DTD1: variants seen among roughly 807,000 people sequenced by gnomAD.
DTD1 encodes the protein D-tyrosyl-tRNA deacylase 1 homolog.
DTD1 carries 13 observed loss-of-function variants against 25.6 expected under a neutral mutation model. The observed-to-expected ratio is 0.51, with a 90% CI of 0.33 to 0.81. The LOEUF (loss-of-function observed/expected upper bound fraction) is 0.81, where lower values mean the gene tolerates loss of function less well. Among genes scored for constraint, DTD1 ranks in the 30% least tolerant of loss-of-function variants. DTD1 has a pLI of 0.02. For synonymous variants in DTD1, 110 were observed against 103.6 expected (o/e 1.06, Z -0.37); for missense variants, 193 against 266.4 (o/e 0.72, Z 1.92).
At chr20:18,612,608 G>C (rs1406828210) in intron 3 of DTD1, among the ~76,000 whole-genome samples, 1 of 152,010 alleles carries the variant, frequency 6.6e-6, no homozygotes, top group Non-Finnish European at 1.5e-5. Context: ...TGATATCTTT[G>C]CTTCACTGTA....
At chr20:18,635,635 A>C (rs2060804210) in intron 4 of DTD1, among the ~76,000 whole-genome samples, 1 of 152,178 alleles carries the variant, frequency 6.6e-6, no homozygotes, top group Admixed American at 6.5e-5. Context: ...CTATTGCATG[A>C]ATATTTGGTA....
At chr20:18,607,013 T>C (rs566772994) in intron 3 of DTD1, among the ~76,000 whole-genome samples, 1 of 152,234 alleles carries the variant, frequency 6.6e-6, no homozygotes, top group African/African-American at 2.4e-5. Flanking sequence ...TCTGTGTTTA[T>C]GGATGTGAAG....
At chr20:18,624,112 G>T (rs1279929475) in intron 3 of DTD1, among the ~76,000 whole-genome samples, 1 of 152,008 alleles carries the variant, frequency 6.6e-6, no homozygotes, top group Non-Finnish European at 1.5e-5. Flanking sequence ...GCTGTCTTTT[G>T]TCCTTGGAGG....
chr20:18,693,658 A>T (rs1440694673), intron 4 of DTD1, among the ~76,000 whole-genome samples: 21 of 129,506 alleles, frequency 1.6e-4, no homozygotes, highest in African/African-American at 7.4e-4. Context: ...CTCCCATCTA[A>T]AAAAAAAAAA....
intron 4 of DTD1, among the ~76,000 whole-genome samples, chr20:18,670,119 C>G (rs2122388040): frequency 6.6e-6 from 1 of 152,290 alleles, no homozygotes; most frequent in African/African-American, 2.4e-5. Context: ...GTGTGTACTG[C>G]TGATGTGTAC....
intron 5 of DTD1, among the ~76,000 whole-genome samples, chr20:18,747,742 G>A (rs943158557): frequency 6.6e-6 from 1 of 152,084 alleles, no homozygotes; most frequent in Non-Finnish European, 1.5e-5. Context: ...GCTGGGCATG[G>A]TGGCTCACGC....
chr20:18,631,287 A>T, intron 4 of DTD1: 6 of 984,640 alleles, frequency 6.1e-6, no homozygotes, highest in Non-Finnish European at 7.2e-6. Flanking sequence ...AAAAAATATT[A>T]CAAATTTCAA....
At chr20:18,738,650 C>T (rs909551720) in intron 4 of DTD1, among the ~76,000 whole-genome samples, 1 of 152,344 alleles carries the variant, frequency 6.6e-6, no homozygotes, top group South Asian at 2.1e-4. Flanking sequence ...AGACCCTCTG[C>T]AGTCCCCTCA....
chr20:18,666,484 A>G (rs1323551708), intron 4 of DTD1, among the ~76,000 whole-genome samples: 1 of 152,234 alleles, frequency 6.6e-6, no homozygotes, highest in African/African-American at 2.4e-5. Flanking sequence ...CAGGACACCC[A>G]GATAGATTTA....
intron 4 of DTD1, among the ~76,000 whole-genome samples, chr20:18,701,255 C>T (rs949411982): frequency 7.9e-5 from 12 of 152,158 alleles, no homozygotes; most frequent in Non-Finnish European, 2.9e-5. Context: ...GGCAGTTTTA[C>T]AGCTGGAGAG....
At chr20:18,612,306 T>A (rs1182054725) in intron 3 of DTD1, among the ~76,000 whole-genome samples, 2 of 152,126 alleles carry the variant, frequency 1.3e-5, no homozygotes, top group Non-Finnish European at 2.9e-5. Flanking sequence ...AGTGCTGGGA[T>A]TACAGGGGTG....
chr20:18,755,898 G>C (rs1414347874), intron 5 of DTD1, among the ~76,000 whole-genome samples: 1 of 151,878 alleles, frequency 6.6e-6, no homozygotes, highest in Non-Finnish European at 1.5e-5. Context: ...CAGTGTAAAA[G>C]TGTTCCTATT....
chr20:18,643,374 T>G (rs1362052923), intron 4 of DTD1: 1 of 240,390 alleles, frequency 4.2e-6, no homozygotes, highest in African/African-American at 2.3e-5. Flanking sequence ...GGCTCTGGCT[T>G]GACTCTAAAG....
rs117363699 is a variant in DTD1, at chr20:18,710,490, C to G, written c.478-33610C>G. Among the ~76,000 whole-genome samples, 265 of 152,084 alleles carry G rather than the reference C, an allele frequency of 1.7e-3. 2 individuals carry two copies. The South Asian group carries it at 0.035, about 20-fold the overall frequency. The stretch of plus-strand genomic sequence containing the variant: ...AATTATCTCAGAGATTACTCTCATT[C>G]AAATCTTTAATCAGTCAGTTTATTA... On this transcript the variant is annotated intron_variant, in intron 4 of 5. Coordinates refer to ENST00000377452, the MANE Select transcript of DTD1 (RefSeq NM_080820.6).
rs2061214143 is a variant in DTD1 at position 18,723,848 on chromosome 20, A to G, written c.478-20252A>G. 2.6e-5 allele frequency among the ~76,000 whole-genome samples: 4 copies of G among 152,356 alleles called. No homozygotes were observed. The South Asian group carries it at 8.3e-4, about 32-fold the overall frequency. ...ATAAACTGGCCTAAATGATAAGGACATGTATTAGATCACATAACCAAGTGC... is the reference window on the plus strand; with the variant it reads ...ATAAACTGGCCTAAATGATAAGGACGTGTATTAGATCACATAACCAAGTGC... On this transcript the variant is annotated intron_variant, in intron 4 of 5. Transcript: ENST00000377452.
chr20:18,628,077 G>T, intron 3 of DTD1, 50 bp from the exon 4 acceptor site: 1 of 1,483,812 alleles, frequency 6.7e-7, no homozygotes, highest in South Asian at 1.1e-5. Flanking sequence ...CTTTTGGATG[G>T]AGTAATCTGG....
At chr20:18,720,957 C>A (rs1296672238) in intron 4 of DTD1, among the ~76,000 whole-genome samples, 3 of 152,148 alleles carry the variant, frequency 2.0e-5, no homozygotes, top group African/African-American at 4.8e-5. Flanking sequence ...TTGTTAAACA[C>A]CCTAATGTTT....
chr20:18,682,172 AT>A (rs2061000614), intron 4 of DTD1, among the ~76,000 whole-genome samples: 1 of 152,198 alleles, frequency 6.6e-6, no homozygotes. Context: ...GGGAACCCGT[AT>A]TTGTGAAGGT....
At chr20:18,621,307 A>C (rs571666175) in intron 3 of DTD1, among the ~76,000 whole-genome samples, 2 of 152,322 alleles carry the variant, frequency 1.3e-5, no homozygotes, top group South Asian at 4.1e-4. Flanking sequence ...GGAACACTAC[A>C]AAAGTGATCT....
Sources: gnomAD v4.1 joint callset for allele counts (sites outside exome capture counted in the v4.1 genomes callset) on GRCh38, gnomAD v4.1.1 for gene constraint, MANE v1.5 for transcripts, NCBI Gene and HGNC (gene_info 2026-07-23, HGNC 2026-07-21) for gene names.